ZPLD1: variants seen among roughly 807,000 people sequenced by gnomAD.
The protein encoded by ZPLD1 is zona pellucida like domain containing 1.
ZPLD1 carries 34 observed loss-of-function variants against 47.2 expected under a neutral mutation model. The observed-to-expected ratio is 0.72, with a 90% CI of 0.55 to 0.96. The LOEUF is 0.96. Ranked by LOEUF, ZPLD1 falls within the 40% of genes least tolerant of loss-of-function variation. The pLI, the probability that ZPLD1 is intolerant of heterozygous loss-of-function variation, is 0.00. For missense variants in ZPLD1, 512 were observed against 505.8 expected (o/e 1.01, Z -0.12); for synonymous variants, 176 against 186.2 (o/e 0.95, Z 0.45).
chr3:102,455,356 G>A (rs189558795), intron 4 of ZPLD1, among the ~76,000 whole-genome samples: 11 of 152,298 alleles, frequency 7.2e-5, no homozygotes, highest in African/African-American at 1.4e-4. Context: ...AGTAAGACTG[G>A]AGAATTCAAG....
chr3:102,470,561 T>C, intron 10 of ZPLD1, 59 bp downstream of exon 10: 1 of 1,412,808 alleles, frequency 7.1e-7, no homozygotes, highest in Non-Finnish European at 9.9e-7. Context: ...CCTCGTTACT[T>C]GGCTTCTAAC....
chr3:102,401,182 A>G (rs572129791), intron 7 of ZPLD1, among the ~76,000 whole-genome samples: 2 of 152,200 alleles, frequency 1.3e-5, no homozygotes, highest in African/African-American at 4.8e-5. Flanking sequence ...CATGTCAGCT[A>G]CAATATTCCT....
rs918975843 is a variant in ZPLD1, at chr3:102,389,855, G to A, written c.-212-2315G>A. 7.9e-5 allele frequency among the ~76,000 whole-genome samples: 12 copies of A among 152,310 alleles called. No individual in the cohort carries two copies. The East Asian group carries it at 2.3e-3, about 29-fold the overall frequency. On this transcript the variant is annotated intron_variant, in intron 6 of 17. Coordinates refer to the ZPLD1 transcript ENST00000491959. ...CAGAGAGTTAATGATCTTATTCTCA[G>A]ATGGATCCTGAGTGTCATGGTTTTC...
chr3:102,408,871 A>G (rs1271230346), intron 7 of ZPLD1, among the ~76,000 whole-genome samples: 1 of 151,844 alleles, frequency 6.6e-6, no homozygotes, highest in Non-Finnish European at 1.5e-5. Context: ...CTGGAAGTAT[A>G]ATAATAATCT....
chr3:102,427,575 C>A (rs1019028863), intron 8 of ZPLD1, among the ~76,000 whole-genome samples: 2 of 152,074 alleles, frequency 1.3e-5, no homozygotes, highest in African/African-American at 4.8e-5. Context: ...TATTTTATCC[C>A]CCAGTTGTTA....
intron 6 of ZPLD1, among the ~76,000 whole-genome samples, chr3:102,391,067 G>C (rs1706489960): frequency 6.6e-6 from 1 of 152,100 alleles, no homozygotes; most frequent in South Asian, 2.1e-4. Context: ...TTGGTATGCT[G>C]ATATATTTTG....
At chr3:102,449,775 G>C (rs1450785339) in intron 3 of ZPLD1, among the ~76,000 whole-genome samples, 1 of 152,120 alleles carries the variant, frequency 6.6e-6, no homozygotes, top group Non-Finnish European at 1.5e-5. Flanking sequence ...ATATAGGAAA[G>C]AACATACTAT....
chr3:102,476,247 AAAACACAAATATG>A (rs1313862543), intron 10 of ZPLD1, among the ~76,000 whole-genome samples: 1 of 151,904 alleles, frequency 6.6e-6, no homozygotes, highest in African/African-American at 2.4e-5. Context: ...CACAAATATT[AAAACACAAATATG>A]AAATTACTCT....
rs997937527 is a variant in ZPLD1 at position 102,426,111 on chromosome 3, TAC to T, written c.-9+7922_-9+7923del. 1.9e-3 allele frequency among the ~76,000 whole-genome samples: 277 copies of T among 143,978 alleles called. 2 individuals carry two copies. In the South Asian group the frequency reaches 0.024, roughly 13 times the overall value. The allele number at this position is 143,978 out of a possible 152,430, so 94.5% of individuals were successfully genotyped here. A position where few individuals can be genotyped will look rare whatever the true frequency, so the allele number is the denominator to read the frequency against. On this transcript the variant is annotated intron_variant, in intron 8 of 17. Coordinates refer to the ZPLD1 transcript ENST00000491959. Reference sequence around the variant, plus strand: ...ATCTTTAACATTTTGACATATTTCCTACACACACACACACACACATGCACACA... The same window carrying T: ...ATCTTTAACATTTTGACATATTTCCTACACACACACACACACATGCACACA...
Position 102,456,345 on chromosome 3 carries a change from A to C in ZPLD1, c.480A>C (p.Glu160Asp). The C allele has an allele frequency of 1.9e-6, 3 of 1,613,066 alleles. No individual in the cohort carries two copies. The highest frequency in any genetic ancestry group is 2.5e-6 in the Non-Finnish European group (3 of 1,179,580). The change falls in exon 5 of 12, where the codon GAA (glutamate) becomes GAC (aspartate). Residue 160 changes from glutamate (E) to aspartate (D), a missense_variant. Transcript: ENST00000466937. ...LYKFSCSYPL[E>D]YLVNNTQLAS... Reference sequence around the variant, plus strand: ...AATTTAGTTGTAGTTATCCATTGGAATACCTGGTTAATAATACCCAGCTTG... The same window carrying C: ...AATTTAGTTGTAGTTATCCATTGGACTACCTGGTTAATAATACCCAGCTTG...
chr3:102,426,245 C>T (rs1018025534), intron 8 of ZPLD1, among the ~76,000 whole-genome samples: 6 of 151,952 alleles, frequency 3.9e-5, no homozygotes, highest in Non-Finnish European at 5.9e-5. Flanking sequence ...GGGCCGGGTG[C>T]GGTGGCTCAC....
At chr3:102,454,825 C>T in intron 4 of ZPLD1, among the ~76,000 whole-genome samples, 1 of 152,214 alleles carries the variant, frequency 6.6e-6, no homozygotes, top group East Asian at 1.9e-4. Flanking sequence ...AACTGTACTC[C>T]AGCCTGGGTG....
intron 3 of ZPLD1, among the ~76,000 whole-genome samples, chr3:102,451,478 TATA>T (rs1036123176): frequency 1.1e-4 from 17 of 152,176 alleles, no homozygotes; most frequent in African/African-American, 3.9e-4. Flanking sequence ...ATCTAATTGG[TATA>T]ATAAGGTAAT....
chr3:102,442,817 C>T (rs565464101), intron 3 of ZPLD1, among the ~76,000 whole-genome samples: 1 of 150,102 alleles, frequency 6.7e-6, no homozygotes, highest in African/African-American at 2.5e-5. Context: ...CCAAGAGAAG[C>T]ACCATGGTCT....
intron 7 of ZPLD1, among the ~76,000 whole-genome samples, chr3:102,416,506 G>T (rs1045379503): frequency 6.6e-5 from 10 of 151,870 alleles, no homozygotes; most frequent in African/African-American, 2.2e-4. Flanking sequence ...AAAACATCTA[G>T]CTTGATGCTT....
intron 3 of ZPLD1, among the ~76,000 whole-genome samples, chr3:102,444,673 T>C (rs774504756): frequency 6.6e-6 from 1 of 152,182 alleles, no homozygotes; most frequent in Non-Finnish European, 1.5e-5. Context: ...TAAATTAGTA[T>C]TGGAATATTT....
At chr3:102,458,125 A>G (rs903700354) in intron 6 of ZPLD1, among the ~76,000 whole-genome samples, 9 of 152,144 alleles carry the variant, frequency 5.9e-5, no homozygotes, top group Admixed American at 4.6e-4. Context: ...CTACATTTAC[A>G]TGTATTTATT....
rs1251147370 is a variant in ZPLD1, at chr3:102,479,358, C to G, written c.*1740C>G. The G allele has an allele frequency of 6.6e-6, 1 of 152,146 alleles. No homozygotes were observed. The highest frequency in any genetic ancestry group is 1.9e-4 in the East Asian group (1 of 5,198). The allele number at this position is 152,146 out of a possible 1,614,324, so 9.4% of individuals were successfully genotyped here. ...ATAGTATTGAAATATGCTGGTAAAT[C>G]TATTTCAGATACTTTAAGTGAATTG... On this transcript the variant is annotated 3_prime_UTR_variant, in exon 12 of 12. Transcript: ENST00000466937.
chr3:102,456,848 T>C (rs1576159034), intron 5 of ZPLD1, among the ~76,000 whole-genome samples: 3 of 152,332 alleles, frequency 2.0e-5, no homozygotes, highest in South Asian at 4.1e-4. Flanking sequence ...TTCTGGGATC[T>C]CCATTCCTCT....
Sources: gnomAD v4.1 joint callset for allele counts (sites outside exome capture counted in the v4.1 genomes callset) on GRCh38, gnomAD v4.1.1 for gene constraint, MANE v1.5 for transcripts, NCBI Gene and HGNC (gene_info 2026-07-23, HGNC 2026-07-21) for gene names.